The following TEAD1 variants were observed in gnomAD, a reference collection of about 807,000 sequenced individuals.
TEAD1 encodes the protein transcriptional enhancer factor TEF-1.
TEAD1 carries 9 observed loss-of-function variants against 54.9 expected under a neutral mutation model. The observed-to-expected ratio is 0.16, with a 90% CI of 0.10 to 0.29. TEAD1 has a LOEUF of 0.29. Ranked by LOEUF, TEAD1 falls within the 10% of genes least tolerant of loss-of-function variation. TEAD1 has a pLI of 1.00. For synonymous variants in TEAD1, 200 were observed against 187.8 expected, an observed-to-expected ratio of 1.07 and a Z score of -0.53; for missense variants, 387 against 535.9, an observed-to-expected ratio of 0.72 and a Z score of 2.74.
intron 2 of TEAD1, among the ~76,000 whole-genome samples, chr11:12,689,186 G>T (rs1410432310): frequency 1.3e-5 from 2 of 151,950 alleles, no homozygotes; most frequent in Non-Finnish European, 2.9e-5. Flanking sequence ...ATCACTTTAA[G>T]ATCTCAGAGA....
chr11:12,828,655 T>A (rs535739476), intron 3 of TEAD1, among the ~76,000 whole-genome samples: 5 of 128,626 alleles, frequency 3.9e-5, no homozygotes, highest in Non-Finnish European at 4.8e-5. Context: ...GGAGTGTGGG[T>A]TTTTTTTTTT....
intron 2 of TEAD1, among the ~76,000 whole-genome samples, chr11:12,743,239 A>C (rs1944681794): frequency 6.6e-6 from 1 of 152,248 alleles, no homozygotes; most frequent in Non-Finnish European, 1.5e-5. Context: ...ATACTTCTAA[A>C]TTCAAAGCAA....
chr11:12,797,069 C>T (rs191362555), intron 3 of TEAD1, among the ~76,000 whole-genome samples: 443 of 143,974 alleles, frequency 3.1e-3, no homozygotes, highest in Non-Finnish European at 4.8e-3. Context: ...GCCAAGATTG[C>T]GCCACTGCTC....
chr11:12,758,736 T>C (rs1200121133), intron 2 of TEAD1, among the ~76,000 whole-genome samples: 1 of 151,812 alleles, frequency 6.6e-6, no homozygotes, highest in Admixed American at 6.6e-5. Context: ...AGAGGCAAGG[T>C]TTCACCATGT....
At chr11:12,856,448 G>A (rs1947382468) in intron 3 of TEAD1, among the ~76,000 whole-genome samples, 1 of 152,156 alleles carries the variant, frequency 6.6e-6, no homozygotes, top group Non-Finnish European at 1.5e-5. Flanking sequence ...GTTCATGAAG[G>A]ATGAGGCCTT....
In TEAD1 at chr11:12,937,181, C is replaced by T; in HGVS notation, c.1240C>T (p.His414Tyr). ...TGTGTTTGAAGTTTCAAATAGTGAA[C>T]ACGGAGCACAACATCATATTTACAG... Residue 414 changes from histidine (H) to tyrosine (Y), a missense_variant, in exon 13 of 13, where the codon CAC becomes TAC. By Grantham distance (83) the His-to-Tyr change is moderately conservative. Around this residue, in one of 5 missense-constraint regions of TEAD1, gnomAD observed 123 missense variants for 199.0 expected, o/e 0.62. Transcript: ENST00000527636. 3.1e-6 allele frequency: 5 copies of T among 1,613,874 alleles called. No individual in the cohort carries two copies. Among genetic ancestry groups the T allele is most frequent in the Non-Finnish European group, 4.2e-6 (5 of 1,179,920 alleles).
intron 3 of TEAD1, among the ~76,000 whole-genome samples, chr11:12,810,993 C>A (rs1478080957): frequency 6.6e-6 from 1 of 152,172 alleles, no homozygotes; most frequent in Non-Finnish European, 1.5e-5. Context: ...TTCTGTTTTT[C>A]TTACCAAATG....
intron 2 of TEAD1, among the ~76,000 whole-genome samples, chr11:12,762,468 C>A (rs1334573210): frequency 6.6e-6 from 1 of 152,164 alleles, no homozygotes; most frequent in African/African-American, 2.4e-5. Flanking sequence ...AAAATGCTTT[C>A]TTGTGGCGTA....
intron 6 of TEAD1, among the ~76,000 whole-genome samples, chr11:12,880,715 T>C (rs1446653277): frequency 6.6e-6 from 1 of 152,234 alleles, no homozygotes; most frequent in African/African-American, 2.4e-5. Context: ...GTGAGCCCCC[T>C]GCAGCACGCG....
At chr11:12,742,591 A>G (rs1210202568) in intron 2 of TEAD1, among the ~76,000 whole-genome samples, 19 of 152,236 alleles carry the variant, frequency 1.2e-4, no homozygotes, top group Non-Finnish European at 2.5e-4. Context: ...TTCTTATCAC[A>G]AAGAAATGAT....
At chr11:12,896,434 G>A (rs1465396948) in intron 9 of TEAD1, among the ~76,000 whole-genome samples, 1 of 152,158 alleles carries the variant, frequency 6.6e-6, no homozygotes, top group Non-Finnish European at 1.5e-5. Context: ...CTGGGAACAA[G>A]TTGCAAGGAA....
In TEAD1 at chr11:12,857,576, C is replaced by CTGTGTG. The variant is rs1461148875; in HGVS notation, c.203-4673_203-4672insGTGTGT. ...GAATCAAGCATCTCTCTCTCTCTGT[C>CTGTGTG]TCTGTGTGTGTGTGTGTGTGTGTGT... On this transcript the variant is annotated intron_variant, in intron 3 of 12. Coordinates refer to ENST00000527636, the MANE Select transcript of TEAD1 (RefSeq NM_021961.6). Among the ~76,000 whole-genome samples, 6 of 67,962 alleles carry CTGTGTG rather than the reference C, an allele frequency of 8.8e-5. No individual in the cohort carries two copies. In the East Asian group the frequency reaches 2.9e-3, roughly 33 times the overall value. The allele number at this position is 67,962 out of a possible 152,430, so 44.6% of individuals were successfully genotyped here.
At chr11:12,825,614 A>G (rs140378877) in intron 3 of TEAD1, among the ~76,000 whole-genome samples, 1 of 152,356 alleles carries the variant, frequency 6.6e-6, no homozygotes, top group African/African-American at 2.4e-5. Flanking sequence ...CAATCCTTAT[A>G]CAATTTTAGT....
intron 2 of TEAD1, among the ~76,000 whole-genome samples, chr11:12,712,996 C>T (rs556685073): frequency 7.2e-5 from 11 of 152,162 alleles, no homozygotes; most frequent in Non-Finnish European, 1.0e-4. Flanking sequence ...CAGGTGAACA[C>T]GGTGGGGCCT....
intron 3 of TEAD1, among the ~76,000 whole-genome samples, chr11:12,780,394 C>A (rs917527079): frequency 1.1e-4 from 16 of 151,948 alleles, no homozygotes; most frequent in Admixed American, 3.9e-4. Flanking sequence ...CAGGTGCCTG[C>A]CACCATACCC....
intron 3 of TEAD1, among the ~76,000 whole-genome samples, chr11:12,835,335 T>C (rs1164987524): frequency 6.6e-6 from 1 of 152,148 alleles, no homozygotes; most frequent in Non-Finnish European, 1.5e-5. Context: ...TTTATTTGGC[T>C]CTGAGGTTGG....
intron 12 of TEAD1, among the ~76,000 whole-genome samples, chr11:12,936,099 C>T (rs1285912816): frequency 1.3e-5 from 2 of 152,126 alleles, no homozygotes; most frequent in African/African-American, 2.4e-5. Flanking sequence ...AATGCTTTGG[C>T]GTAATCAAAC....
chr11:12,827,492 A>G (rs900362035), intron 3 of TEAD1, among the ~76,000 whole-genome samples: 5 of 152,158 alleles, frequency 3.3e-5, no homozygotes, highest in African/African-American at 1.2e-4. Flanking sequence ...TAGTATCCCT[A>G]TTTTACAAGT....
chr11:12,823,187 A>G (rs1008406722), intron 3 of TEAD1, among the ~76,000 whole-genome samples: 14 of 152,248 alleles, frequency 9.2e-5, no homozygotes, highest in African/African-American at 3.4e-4. Context: ...CAGGGAATGT[A>G]TAATGACAAA....
Sources: gnomAD v4.1 joint callset for allele counts (sites outside exome capture counted in the v4.1 genomes callset) on GRCh38, gnomAD v4.1.1 for gene constraint, gnomAD v4.1.1 regional missense constraint, MANE v1.5 for transcripts, NCBI Gene and HGNC (gene_info 2026-07-23, HGNC 2026-07-21) for gene names.